PPP6R3: variants seen among roughly 807,000 people sequenced by gnomAD.
PPP6R3 encodes the protein serine/threonine-protein phosphatase 6 regulatory subunit 3.
PPP6R3 carries 38 observed loss-of-function variants against 110.7 expected under a neutral mutation model. The observed-to-expected ratio is 0.34, with a 90% CI of 0.26 to 0.45. PPP6R3 has a LOEUF of 0.45. Among genes scored for constraint, PPP6R3 ranks in the 20% least tolerant of loss-of-function variants. PPP6R3 has a pLI of 1.00. For synonymous variants in PPP6R3, 369 were observed against 373.5 expected, an observed-to-expected ratio of 0.99 and a Z score of 0.14; for missense variants, 870 against 1,062.4, an observed-to-expected ratio of 0.82 and a Z score of 2.52.
At chr11:68,487,816 A>G (rs1591862583) in intron 1 of PPP6R3, among the ~76,000 whole-genome samples, 1 of 152,242 alleles carries the variant, frequency 6.6e-6, no homozygotes, top group South Asian at 2.1e-4. Flanking sequence ...AATGTTCTGT[A>G]TGAACTTGAG....
chr11:68,596,530 A>G (rs561571893), intron 19 of PPP6R3, among the ~76,000 whole-genome samples: 1 of 152,336 alleles, frequency 6.6e-6, no homozygotes, highest in Admixed American at 6.5e-5. Flanking sequence ...GTGCTCTTGC[A>G]GAAGGAAAAG....
chr11:68,554,291 A>G, intron 7 of PPP6R3, 34 bp downstream of exon 7: 3 of 1,482,916 alleles, frequency 2.0e-6, no homozygotes, highest in Non-Finnish European at 2.8e-6. Flanking sequence ...TTCTTCTTTC[A>G]TATTGATGCT....
intron 1 of PPP6R3, among the ~76,000 whole-genome samples, chr11:68,475,909 G>T (rs1412822961): frequency 1.3e-5 from 2 of 151,952 alleles, no homozygotes; most frequent in Non-Finnish European, 2.9e-5. Flanking sequence ...ACGATGGGCG[G>T]CCGGGCAGAG....
intron 1 of PPP6R3, among the ~76,000 whole-genome samples, chr11:68,508,121 CT>C (rs748376581): frequency 0.017 from 1,326 of 77,644 alleles, 4 homozygotes; most frequent in African/African-American, 0.049. Flanking sequence ...GTTTTTTGGC[CT>C]TTTTTTTTTT....
Position 68,481,581 on chromosome 11 carries a change from ATTG to A in PPP6R3, c.-158+20759_-158+20761del, listed in dbSNP as rs1414906353. ...AGAGAGAGCGAGCTGGTTTAGCAGA[ATTG>A]TTGTGAGGATTAAAGATAAATATTG... is the stretch of plus-strand genomic sequence containing the variant. On this transcript the variant is annotated intron_variant, in intron 1 of 23. Coordinates refer to ENST00000393800, the MANE Select transcript of PPP6R3 (RefSeq NM_001164161.2). Among the ~76,000 whole-genome samples, 8 of 152,358 alleles carry A rather than the reference ATTG, an allele frequency of 5.3e-5. No individual in the cohort carries two copies. In the East Asian group the frequency reaches 1.3e-3, roughly 26 times the overall value.
chr11:68,481,367 A>T (rs2098910219), intron 1 of PPP6R3, among the ~76,000 whole-genome samples: 1 of 152,176 alleles, frequency 6.6e-6, no homozygotes, highest in Non-Finnish European at 1.5e-5. Flanking sequence ...CAGCAGGAGC[A>T]CACTGCTGAT....
chr11:68,472,957 G>T (rs187450902), intron 1 of PPP6R3, among the ~76,000 whole-genome samples: 4 of 152,266 alleles, frequency 2.6e-5, no homozygotes, highest in East Asian at 3.9e-4. Flanking sequence ...GTGTTCAATT[G>T]TATGGATATA....
chr11:68,585,591 A>G (rs1593614011), intron 15 of PPP6R3, among the ~76,000 whole-genome samples: 1 of 152,250 alleles, frequency 6.6e-6, no homozygotes, highest in Non-Finnish European at 1.5e-5. Context: ...ATAGGATACA[A>G]TAACAGTCTT....
At position 68,544,867 on chromosome 11, in the gene PPP6R3, C is replaced by T. The variant is rs1373997940; in HGVS notation, c.257C>T (p.Thr86Ile). ...CCAAATATATCTTGTGAGTTGCTCA[C>T]TTCTGATGTCTCCCAGATGAATGAT... ...KYPNISCELL[T>I]SDVSQMNDRL... Residue 86 changes from threonine (T) to isoleucine (I), a missense_variant, in exon 4 of 24, where the codon ACT (threonine) becomes ATT (isoleucine). Thr to Ile is a moderately conservative substitution (Grantham distance 89). Coordinates refer to ENST00000393800, the MANE Select transcript of PPP6R3 (RefSeq NM_001164161.2). 1 of 1,606,678 alleles carries T rather than the reference C, an allele frequency of 6.2e-7. No individual in the cohort carries two copies. Among genetic ancestry groups the T allele is most frequent in the South Asian group, 1.1e-5 (1 of 90,880 alleles).
At chr11:68,483,901 C>G (rs2098930704) in intron 1 of PPP6R3, among the ~76,000 whole-genome samples, 1 of 152,248 alleles carries the variant, frequency 6.6e-6, no homozygotes, top group South Asian at 2.1e-4. Flanking sequence ...TACCTCCCTG[C>G]AACCTCTGGC....
chr11:68,479,500 A>G (rs868478904), intron 1 of PPP6R3, among the ~76,000 whole-genome samples: 2 of 152,178 alleles, frequency 1.3e-5, no homozygotes, highest in Admixed American at 6.5e-5. Context: ...CCTAATACCC[A>G]GTTCTGGCTC....
intron 1 of PPP6R3, among the ~76,000 whole-genome samples, chr11:68,512,375 A>G (rs1484551736): frequency 1.3e-5 from 2 of 152,220 alleles, no homozygotes; most frequent in Non-Finnish European, 2.9e-5. Flanking sequence ...CTGGAGCACC[A>G]TAATCCCAAA....
At chr11:68,467,508 AC>A (rs2098756877) in intron 1 of PPP6R3, among the ~76,000 whole-genome samples, 1 of 152,188 alleles carries the variant, frequency 6.6e-6, no homozygotes, top group Admixed American at 6.5e-5. Flanking sequence ...GGTTTCCTAT[AC>A]CTACATGTAA....
chr11:68,498,310 C>T (rs757176649), intron 1 of PPP6R3, among the ~76,000 whole-genome samples: 4 of 152,122 alleles, frequency 2.6e-5, no homozygotes, highest in Non-Finnish European at 5.9e-5. Flanking sequence ...ATCAGTTACC[C>T]AGCTCTAACA....
At chr11:68,524,644 T>G (rs1168465473) in intron 2 of PPP6R3, among the ~76,000 whole-genome samples, 2 of 152,244 alleles carry the variant, frequency 1.3e-5, no homozygotes, top group Non-Finnish European at 2.9e-5. Flanking sequence ...ATTCTTCCTA[T>G]CTTGTTTTTC....
At chr11:68,496,700 G>A (rs188051150) in intron 1 of PPP6R3, among the ~76,000 whole-genome samples, 1 of 152,022 alleles carries the variant, frequency 6.6e-6, no homozygotes, top group African/African-American at 2.4e-5. Flanking sequence ...CTCAAACTCG[G>A]CCTCAAGCAC....
Position 68,550,655 on chromosome 11 carries a change from T to C in PPP6R3, c.553-466T>C, listed in dbSNP as rs187699144. On this transcript the variant is annotated intron_variant, in intron 5 of 23. Transcript: ENST00000393800. The stretch of plus-strand genomic sequence containing the variant: ...CTGCAGTGGGTTTGGTTTTGTAATC[T>C]AAAAGTCCCATTTGTTCATCCTGTG... 3.6e-3 allele frequency among the ~76,000 whole-genome samples: 547 copies of C among 152,318 alleles called. 3 individuals are homozygous for C. The highest frequency in any genetic ancestry group is 0.012 in the African/African-American group (514 of 41,568).
At chr11:68,461,436 T>C (rs2098706292) in intron 1 of PPP6R3, among the ~76,000 whole-genome samples, 1 of 130,076 alleles carries the variant, frequency 7.7e-6, no homozygotes. Flanking sequence ...TTAACTCCTG[T>C]GAGGTGGCTT....
intron 17 of PPP6R3, among the ~76,000 whole-genome samples, chr11:68,591,134 A>G (rs1379164612): frequency 2.0e-5 from 3 of 151,698 alleles, no homozygotes; most frequent in African/African-American, 4.8e-5. Flanking sequence ...TTTTATGTTG[A>G]CTAGCATGAG....
Sources: gnomAD v4.1 joint callset for allele counts (sites outside exome capture counted in the v4.1 genomes callset) on GRCh38, gnomAD v4.1.1 for gene constraint, MANE v1.5 for transcripts, NCBI Gene and HGNC (gene_info 2026-07-23, HGNC 2026-07-21) for gene names.